The following GAS7 variants were observed in gnomAD, a reference collection of about 807,000 sequenced individuals.
GAS7 encodes the protein growth arrest-specific protein 7.
In GAS7, 28 loss-of-function variants were observed where a neutral mutation model predicts 71.1. The observed-to-expected ratio is 0.39, with a 90% CI of 0.29 to 0.54. GAS7 has a LOEUF of 0.54. GAS7 is among the 20% of genes least tolerant of loss of function. The probability of loss-of-function intolerance (pLI) is 0.62; values close to 1 mark genes in which losing one functional copy is unlikely to be tolerated. For missense variants in GAS7, 436 were observed against 627.8 expected, an observed-to-expected ratio of 0.69 and a Z score of 3.27; for synonymous variants, 258 against 245.8, an observed-to-expected ratio of 1.05 and a Z score of -0.46.
chr17:9,979,966 G>A (rs1324164746), intron 3 of GAS7, among the ~76,000 whole-genome samples: 1 of 152,032 alleles, frequency 6.6e-6, no homozygotes, highest in African/African-American at 2.4e-5. Context: ...CCATTTCTGG[G>A]GACTTGGTCT....
intron 2 of GAS7, among the ~76,000 whole-genome samples, chr17:10,014,877 A>C (rs2071928561): frequency 6.6e-6 from 1 of 152,134 alleles, no homozygotes; most frequent in Non-Finnish European, 1.5e-5. Context: ...TTAGCCAGCC[A>C]GGTGCGGTGA....
intron 1 of GAS7, among the ~76,000 whole-genome samples, chr17:10,177,946 C>T (rs1039815657): frequency 1.3e-5 from 2 of 152,060 alleles, no homozygotes; most frequent in African/African-American, 4.8e-5. Flanking sequence ...ACACCGGCCG[C>T]ATTAGGTCAG....
chr17:10,089,431 T>G (rs2073557000), intron 1 of GAS7, among the ~76,000 whole-genome samples: 1 of 150,660 alleles, frequency 6.6e-6, no homozygotes, highest in Admixed American at 6.6e-5. Context: ...CAAGATAAAA[T>G]AAACCACCTG....
chr17:10,124,117 C>A (rs112266416), intron 1 of GAS7, among the ~76,000 whole-genome samples: 14 of 152,214 alleles, frequency 9.2e-5, no homozygotes, highest in African/African-American at 3.1e-4. Context: ...CCTGAGGAGG[C>A]GGAGTGGGAA....
At chr17:9,954,003 G>A (rs1276493897) in intron 5 of GAS7, among the ~76,000 whole-genome samples, 1 of 152,186 alleles carries the variant, frequency 6.6e-6, no homozygotes, top group Admixed American at 6.5e-5. Context: ...GAGTAAGCCT[G>A]AGGTGCTGAG....
chr17:10,145,789 AC>A (rs1004922497), intron 1 of GAS7, among the ~76,000 whole-genome samples: 1 of 151,046 alleles, frequency 6.6e-6, no homozygotes, highest in African/African-American at 2.4e-5. Flanking sequence ...ATATTCTAAG[AC>A]CCCCCCAGAA....
chr17:10,027,780 C>A (rs2072504985), intron 1 of GAS7, among the ~76,000 whole-genome samples: 1 of 152,210 alleles, frequency 6.6e-6, no homozygotes, highest in Non-Finnish European at 1.5e-5. Flanking sequence ...TGCCTATAAT[C>A]CCAGCTACTC....
intron 1 of GAS7, among the ~76,000 whole-genome samples, chr17:10,067,307 C>T (rs576871005): frequency 3.9e-5 from 6 of 152,212 alleles, no homozygotes; most frequent in East Asian, 1.9e-4. Flanking sequence ...TGTAGTGGCG[C>T]GATCTCGGCT....
At chr17:10,067,063 C>T (rs1390045695) in intron 1 of GAS7, among the ~76,000 whole-genome samples, 1 of 152,114 alleles carries the variant, frequency 6.6e-6, no homozygotes, top group Non-Finnish European at 1.5e-5. Context: ...TCTTTGCTGA[C>T]ACTGCAGGCA....
chr17:9,925,109 G>A (rs916634685), intron 11 of GAS7, among the ~76,000 whole-genome samples: 4 of 152,196 alleles, frequency 2.6e-5, no homozygotes, highest in Admixed American at 2.6e-4. Context: ...GCTCTGAACA[G>A]GGACAGGGCC....
At chr17:10,092,114 C>T (rs1363067714) in intron 1 of GAS7, among the ~76,000 whole-genome samples, 3 of 152,160 alleles carry the variant, frequency 2.0e-5, no homozygotes, top group Non-Finnish European at 2.9e-5. Context: ...AGTCCTCACA[C>T]AGGCCAAGTC....
chr17:10,124,631 T>C (rs1281923490), intron 1 of GAS7, among the ~76,000 whole-genome samples: 1 of 152,066 alleles, frequency 6.6e-6, no homozygotes, highest in Non-Finnish European at 1.5e-5. Context: ...AAGAGCAGTG[T>C]GGGGCCGGGC....
At chr17:10,166,760 A>G in intron 1 of GAS7, among the ~76,000 whole-genome samples, 1 of 152,248 alleles carries the variant, frequency 6.6e-6, no homozygotes, top group Non-Finnish European at 1.5e-5. Flanking sequence ...TGATAAAAAC[A>G]ATTTCAAGCA....
At chr17:10,146,895 G>A (rs142490778) in intron 1 of GAS7, among the ~76,000 whole-genome samples, 67 of 151,922 alleles carry the variant, frequency 4.4e-4, no homozygotes, top group African/African-American at 1.5e-3. Context: ...GAGGCAGAAT[G>A]GCATAAACCC....
chr17:9,991,398 T>G (rs574784663), intron 2 of GAS7, among the ~76,000 whole-genome samples: 70 of 152,146 alleles, frequency 4.6e-4, no homozygotes, highest in Non-Finnish European at 8.4e-4. Flanking sequence ...ACAATCTTGG[T>G]GGGGAGCAGG....
At chr17:10,054,591 G>A (rs1355559117) in intron 1 of GAS7, among the ~76,000 whole-genome samples, 1 of 152,212 alleles carries the variant, frequency 6.6e-6, no homozygotes, top group Non-Finnish European at 1.5e-5. Flanking sequence ...CTACCAGTGT[G>A]CAACCCCTGA....
chr17:10,045,092 G>A (rs557754253), intron 1 of GAS7, among the ~76,000 whole-genome samples: 9 of 150,456 alleles, frequency 6.0e-5, no homozygotes, highest in East Asian at 1.9e-4. Flanking sequence ...GAAAATGCTC[G>A]CTGAATACAG....
intron 1 of GAS7, among the ~76,000 whole-genome samples, chr17:10,115,143 C>A (rs1185973891): frequency 6.6e-6 from 1 of 152,232 alleles, no homozygotes; most frequent in Non-Finnish European, 1.5e-5. Context: ...ATGTGGAAAG[C>A]ATTAACCCAA....
At position 9,969,601 on chromosome 17, in the gene GAS7, T is replaced by A; in HGVS notation, c.471+76A>T. ...TGGGCTGCAGCCACCTGGACTCCCA[T>A]GATGGACTTTGTAATGCAGTTTCCT... On this transcript the variant is annotated intron_variant, in intron 4 of 13. Transcript: ENST00000432992. The surrounding 1 kb of genome is among the most constrained non-coding windows in gnomAD (Gnocchi z 5.5). The A allele has an allele frequency of 1.1e-6, 1 of 891,414 alleles. No individual in the cohort carries two copies. The highest frequency in any genetic ancestry group is 1.8e-5 in the Admixed American group (1 of 56,626). 55.2% of individuals were successfully genotyped at this position (891,414 alleles called of 1,614,324 possible).
Sources: gnomAD v4.1 joint callset for allele counts (sites outside exome capture counted in the v4.1 genomes callset) on GRCh38, gnomAD v4.1.1 for gene constraint, Gnocchi (gnomAD v3.1) non-coding constraint, MANE v1.5 for transcripts, NCBI Gene and HGNC (gene_info 2026-07-23, HGNC 2026-07-21) for gene names.